TEAD1: variants seen among roughly 807,000 people sequenced by gnomAD.
The protein encoded by TEAD1 is TEA domain transcription factor 1.
In TEAD1, 9 loss-of-function variants were observed where a neutral mutation model predicts 54.9. The ratio of observed to expected loss-of-function variants is 0.16; its 90% CI spans 0.10 to 0.29. The LOEUF (loss-of-function observed/expected upper bound fraction) is 0.29, where lower values mean the gene tolerates loss of function less well. Ranked by LOEUF, TEAD1 falls within the 10% of genes least tolerant of loss-of-function variation. The pLI, the probability that TEAD1 is intolerant of heterozygous loss-of-function variation, is 1.00. For missense variants in TEAD1, 387 were observed against 535.9 expected (o/e 0.72, Z 2.74); for synonymous variants, 200 against 187.8 (o/e 1.07, Z -0.53).
intron 3 of TEAD1, among the ~76,000 whole-genome samples, chr11:12,829,701 G>A (rs1946732839): frequency 6.6e-6 from 1 of 152,184 alleles, no homozygotes; most frequent in East Asian, 1.9e-4. Flanking sequence ...GCCTTTTACT[G>A]TCCAGTTGTA....
intron 3 of TEAD1, among the ~76,000 whole-genome samples, chr11:12,824,245 A>G (rs1300264424): frequency 6.6e-6 from 1 of 152,240 alleles, no homozygotes; most frequent in Non-Finnish European, 1.5e-5. Flanking sequence ...AATTAAAAAT[A>G]ACTACACTGG....
chr11:12,854,458 A>AGCTGTGCTGTGT (rs1947332764), intron 3 of TEAD1, among the ~76,000 whole-genome samples: 1 of 152,184 alleles, frequency 6.6e-6, no homozygotes, highest in Non-Finnish European at 1.5e-5. Flanking sequence ...GGAACACAGT[A>AGCTGTGCTGTGT]GCTGTGCTGT....
intron 2 of TEAD1, among the ~76,000 whole-genome samples, chr11:12,750,276 G>A (rs190745853): frequency 6.6e-6 from 1 of 152,164 alleles, no homozygotes; most frequent in African/African-American, 2.4e-5. Flanking sequence ...GGGATGAGGG[G>A]AGTATGTTGA....
chr11:12,699,175 A>AT (rs1161208813), intron 2 of TEAD1, among the ~76,000 whole-genome samples: 2 of 151,076 alleles, frequency 1.3e-5, no homozygotes, highest in Admixed American at 6.6e-5. Flanking sequence ...TTCACCATTT[A>AT]TTTTTTTTCA....
intron 3 of TEAD1, among the ~76,000 whole-genome samples, chr11:12,796,316 C>G (rs1437238080): frequency 6.6e-6 from 1 of 152,102 alleles, no homozygotes; most frequent in African/African-American, 2.4e-5. Context: ...TAACAAAAAC[C>G]ATAGGAAATC....
At chr11:12,935,580 C>T (rs1304025950) in intron 12 of TEAD1, among the ~76,000 whole-genome samples, 1 of 152,096 alleles carries the variant, frequency 6.6e-6, no homozygotes, top group African/African-American at 2.4e-5. Flanking sequence ...CTGCCTCAGC[C>T]TCCTGAGTAG....
chr11:12,795,605 A>G (rs921658979), intron 3 of TEAD1, among the ~76,000 whole-genome samples: 1 of 152,164 alleles, frequency 6.6e-6, no homozygotes, highest in African/African-American at 2.4e-5. Flanking sequence ...GGCTGATAAG[A>G]AAGACTGGGG....
chr11:12,792,145 A>G (rs1445560110), intron 3 of TEAD1, among the ~76,000 whole-genome samples: 1 of 152,100 alleles, frequency 6.6e-6, no homozygotes, highest in Non-Finnish European at 1.5e-5. Context: ...CTGATCAGAA[A>G]GTTGTTTGGT....
At chr11:12,850,669 C>T (rs1015053843) in intron 3 of TEAD1, among the ~76,000 whole-genome samples, 2 of 152,138 alleles carry the variant, frequency 1.3e-5, no homozygotes, top group African/African-American at 2.4e-5. Flanking sequence ...AACCAGAAAT[C>T]GGCAGCATTG....
intron 5 of TEAD1, chr11:12,865,295 T>C (rs1947594616): frequency 1.1e-5 from 2 of 178,784 alleles, no homozygotes; most frequent in African/African-American, 4.7e-5. Flanking sequence ...TGAGTAGAAA[T>C]TATTTAGAAA....
chr11:12,691,448 C>T (rs1484270447), intron 2 of TEAD1, among the ~76,000 whole-genome samples: 2 of 152,150 alleles, frequency 1.3e-5, no homozygotes, highest in Admixed American at 1.3e-4. Context: ...TCCTCCCACT[C>T]CTTCAGTTGA....
chr11:12,684,548 C>T (rs1943294024), intron 2 of TEAD1, among the ~76,000 whole-genome samples: 1 of 152,172 alleles, frequency 6.6e-6, no homozygotes, highest in Admixed American at 6.5e-5. Context: ...AAGAAAGGTA[C>T]TTTTGCTGCC....
chr11:12,934,897 T>C (rs1283765230), intron 12 of TEAD1, among the ~76,000 whole-genome samples: 2 of 152,044 alleles, frequency 1.3e-5, no homozygotes, highest in African/African-American at 4.8e-5. Flanking sequence ...ATGATGGCTG[T>C]AGTGTACTCG....
At chr11:12,705,368 G>GGTGTCAGC (rs761744547) in intron 2 of TEAD1, among the ~76,000 whole-genome samples, 1 of 152,130 alleles carries the variant, frequency 6.6e-6, no homozygotes, top group Non-Finnish European at 1.5e-5. Flanking sequence ...GAAAATAGTC[G>GGTGTCAGC]GTGTCATTGT....
At chr11:12,820,020 C>A (rs1185955051) in intron 3 of TEAD1, among the ~76,000 whole-genome samples, 1 of 36,488 alleles carries the variant, frequency 2.7e-5, no homozygotes, top group Non-Finnish European at 5.1e-5. Context: ...AGCTCAGGGC[C>A]TGGGGCAGGG....
intron 5 of TEAD1, among the ~76,000 whole-genome samples, chr11:12,875,270 G>A (rs1453663891): frequency 2.0e-5 from 3 of 152,300 alleles, no homozygotes; most frequent in African/African-American, 7.2e-5. Flanking sequence ...GGATAGAGTC[G>A]AATGCTTTAA....
intron 10 of TEAD1, among the ~76,000 whole-genome samples, chr11:12,910,747 C>CTTTTTTT (rs5789752): frequency 0.13 from 15,654 of 118,632 alleles, 1,482 homozygotes; most frequent in Non-Finnish European, 0.18. Flanking sequence ...ACTTAATTTG[C>CTTTTTTT]TTTTTTTTTT....
chr11:12,908,844 TATC>T (rs1386520140), intron 10 of TEAD1, among the ~76,000 whole-genome samples: 1 of 151,868 alleles, frequency 6.6e-6, no homozygotes, highest in Non-Finnish European at 1.5e-5. Flanking sequence ...CCTTATGAAA[TATC>T]ATGTTAGCTA....
chr11:12,809,062 C>T (rs1044472070), intron 3 of TEAD1, among the ~76,000 whole-genome samples: 1 of 152,186 alleles, frequency 6.6e-6, no homozygotes, highest in Non-Finnish European at 1.5e-5. Flanking sequence ...CAAAAACGTT[C>T]TTACTGAATA....
Sources: allele counts gnomAD v4.1 joint callset (sites outside exome capture counted in the v4.1 genomes callset), GRCh38; gene constraint gnomAD v4.1.1; transcripts MANE v1.5; gene names NCBI Gene and HGNC (gene_info 2026-07-23, HGNC 2026-07-21).